ADAMTS16: variants seen among roughly 807,000 people sequenced by gnomAD.
ADAMTS16 encodes ADAM metallopeptidase with thrombospondin type 1 motif 16, also known as A disintegrin and metalloproteinase with thrombospondin motifs 16.
ADAMTS16 carries 94 observed loss-of-function variants against 145.8 expected under a neutral mutation model. That is an observed-to-expected ratio of 0.64 (90% CI 0.55 to 0.77). ADAMTS16 has a LOEUF of 0.77. Among genes scored for constraint, ADAMTS16 ranks in the 30% least tolerant of loss-of-function variants. The pLI, the probability that ADAMTS16 is intolerant of heterozygous loss-of-function variation, is 0.00. For synonymous variants in ADAMTS16, 659 were observed against 604.3 expected (o/e 1.09, Z -1.33); for missense variants, 1,585 against 1,591.5 (o/e 1.00, Z 0.07).
chr5:5,305,161 ACAT>A (rs1384096975), intron 20 of ADAMTS16, among the ~76,000 whole-genome samples: 2 of 47,938 alleles, frequency 4.2e-5, no homozygotes, highest in African/African-American at 7.6e-5. Flanking sequence ...ACACACACAC[ACAT>A]ATCCCACACC....
intron 14 of ADAMTS16, among the ~76,000 whole-genome samples, 177 bp from the exon 15 acceptor site, chr5:5,238,974 G>A (rs1737200302): frequency 1.3e-5 from 2 of 152,210 alleles, no homozygotes; most frequent in Non-Finnish European, 1.5e-5. Flanking sequence ...TTTTTGAAGG[G>A]TAACACTGTA....
chr5:5,213,395 A>G (rs897573781), intron 10 of ADAMTS16, among the ~76,000 whole-genome samples: 4 of 152,196 alleles, frequency 2.6e-5, no homozygotes, highest in Admixed American at 2.6e-4. Context: ...GTTTGGATAA[A>G]TCAGTGAAAT....
At chr5:5,176,734 T>C (rs1735207337) in intron 3 of ADAMTS16, among the ~76,000 whole-genome samples, 1 of 152,228 alleles carries the variant, frequency 6.6e-6, no homozygotes, top group Non-Finnish European at 1.5e-5. Context: ...TAAATTATAC[T>C]ATTAAATTAT....
intron 18 of ADAMTS16, among the ~76,000 whole-genome samples, chr5:5,274,992 G>A (rs955447334): frequency 1.9e-4 from 29 of 152,272 alleles, no homozygotes; most frequent in African/African-American, 7.0e-4. Context: ...GAATGAGAAT[G>A]CAAAACAAAC....
chr5:5,275,621 T>C (rs1331553980), intron 18 of ADAMTS16, among the ~76,000 whole-genome samples: 2 of 152,224 alleles, frequency 1.3e-5, no homozygotes, highest in African/African-American at 4.8e-5. Flanking sequence ...AGTTATAGTT[T>C]CTGCATAAAT....
rs2126347835 is a variant in ADAMTS16, at chr5:5,222,722, A to C, written c.1606-67A>C. On this transcript the variant is annotated intron_variant, in intron 10 of 22. Transcript: ENST00000274181. The stretch of plus-strand genomic sequence containing the variant: ...TGTTTTCACCTTAAATCTCTCAGTG[A>C]TATTTTTATTATAGATGAATTGACA... 8.4e-6 allele frequency: 11 copies of C among 1,307,506 alleles called. No individual in the cohort carries two copies. In the South Asian group the frequency reaches 1.3e-4, roughly 16 times the overall value. The allele number at this position is 1,307,506 out of a possible 1,614,324, so 81.0% of individuals were successfully genotyped here. A position where few individuals can be genotyped will look rare whatever the true frequency, so the allele number is the denominator to read the frequency against.
intron 21 of ADAMTS16, among the ~76,000 whole-genome samples, chr5:5,311,310 A>ACC (rs1561005021): frequency 1.4e-5 from 2 of 145,454 alleles, no homozygotes; most frequent in Admixed American, 7.0e-5. Flanking sequence ...CAAAAAAAAA[A>ACC]AAAAAAACAA....
At chr5:5,295,797 T>G (rs1373059434) in intron 18 of ADAMTS16, among the ~76,000 whole-genome samples, 1 of 152,022 alleles carries the variant, frequency 6.6e-6, no homozygotes, top group Non-Finnish European at 1.5e-5. Context: ...CTCCAGAGAG[T>G]AGAAAGCCGA....
intron 20 of ADAMTS16, among the ~76,000 whole-genome samples, chr5:5,304,678 T>C (rs1343149444): frequency 6.6e-6 from 1 of 152,130 alleles, no homozygotes; most frequent in Non-Finnish European, 1.5e-5. Context: ...TTGAATCCTG[T>C]TGAGACTCTG....
At chr5:5,188,056 T>C (rs1184367767) in intron 6 of ADAMTS16, among the ~76,000 whole-genome samples, 2 of 152,162 alleles carry the variant, frequency 1.3e-5, no homozygotes, top group African/African-American at 4.8e-5. Context: ...GAAAATGGCA[T>C]GTAAAAGCTG....
chr5:5,141,762 C>G (rs923691848), intron 2 of ADAMTS16, among the ~76,000 whole-genome samples: 4 of 152,138 alleles, frequency 2.6e-5, no homozygotes, highest in African/African-American at 9.7e-5. Context: ...TATGCATTAA[C>G]TTTTGAAATT....
rs539864789 is a variant in ADAMTS16 at position 5,309,214 on chromosome 5, C to T, written c.3411+2486C>T. The stretch of plus-strand genomic sequence containing the variant: ...GTATTTGCATGCAGCCTACACACAT[C>T]CTCCAGGTGGCTGAAGCCATCTCTG... On this transcript the variant is annotated intron_variant, in intron 21 of 22. Coordinates refer to ENST00000274181, the MANE Select transcript of ADAMTS16 (RefSeq NM_139056.4). Among the ~76,000 whole-genome samples, 8 of 152,334 alleles carry T rather than the reference C, an allele frequency of 5.3e-5. 1 individual carries two copies. In the South Asian group the frequency reaches 1.7e-3, roughly 32 times the overall value.
intron 18 of ADAMTS16, among the ~76,000 whole-genome samples, chr5:5,274,751 C>T (rs201339268): frequency 7.8e-6 from 1 of 128,672 alleles, no homozygotes; most frequent in Admixed American, 8.3e-5. Context: ...TATATATATA[C>T]ACATATATGT....
intron 17 of ADAMTS16, among the ~76,000 whole-genome samples, chr5:5,255,669 G>A (rs889855357): frequency 2.0e-5 from 3 of 152,212 alleles, no homozygotes; most frequent in African/African-American, 4.8e-5. Context: ...CTAACTGAAA[G>A]CTTCACAGAT....
At chr5:5,236,920 AG>A (rs766757066) in intron 13 of ADAMTS16, 48 bp from the exon 14 acceptor site, 224 of 1,560,308 alleles carry the variant, frequency 1.4e-4, no homozygotes, top group Non-Finnish European at 1.1e-4. Flanking sequence ...AAATGATCAG[AG>A]CTTAAGTATT....
At chr5:5,311,009 G>A (rs1353160958) in intron 21 of ADAMTS16, among the ~76,000 whole-genome samples, 7 of 152,038 alleles carry the variant, frequency 4.6e-5, no homozygotes, top group African/African-American at 9.7e-5. Flanking sequence ...CTGAATGCCC[G>A]TGGCTTCTGC....
At chr5:5,272,967 G>A (rs1035822136) in intron 18 of ADAMTS16, among the ~76,000 whole-genome samples, 1 of 152,184 alleles carries the variant, frequency 6.6e-6, no homozygotes, top group African/African-American at 2.4e-5. Flanking sequence ...CAACTTTGGA[G>A]TACTTGCAGG....
chr5:5,188,951 C>T (rs566091000), intron 6 of ADAMTS16, among the ~76,000 whole-genome samples: 7 of 152,172 alleles, frequency 4.6e-5, no homozygotes, highest in Admixed American at 2.0e-4. Context: ...ATCGTTTGAT[C>T]GTACACCTGT....
At chr5:5,293,071 C>G (rs13169765) in intron 18 of ADAMTS16, among the ~76,000 whole-genome samples, 9,732 of 152,246 alleles carry the variant, frequency 0.064, 421 homozygotes, top group South Asian at 0.12. Flanking sequence ...GTGGAGGACA[C>G]AGAGATGGAG....
Sources: allele counts gnomAD v4.1 joint callset (sites outside exome capture counted in the v4.1 genomes callset), GRCh38; gene constraint gnomAD v4.1.1; transcripts MANE v1.5; gene names NCBI Gene and HGNC (gene_info 2026-07-23, HGNC 2026-07-21).